The following PSME4 variants were observed in gnomAD, a reference collection of about 807,000 sequenced individuals.
PSME4 encodes proteasome activator subunit 4, also known as proteasome activator complex subunit 4.
A neutral mutation model predicts 253.9 loss-of-function variants in PSME4; 89 were observed. The ratio of observed to expected loss-of-function variants is 0.35; its 90% CI spans 0.30 to 0.42. PSME4 has a LOEUF of 0.42. Ranked by LOEUF, PSME4 falls within the 10% of genes least tolerant of loss-of-function variation. PSME4 has a pLI of 1.00. For missense variants in PSME4, 2,014 were observed against 2,195.2 expected, an observed-to-expected ratio of 0.92 and a Z score of 1.65; for synonymous variants, 851 against 759.2, an observed-to-expected ratio of 1.12 and a Z score of -1.99.
At chr2:53,966,706 T>C (rs1456273401) in intron 1 of PSME4, among the ~76,000 whole-genome samples, 1 of 152,014 alleles carries the variant, frequency 6.6e-6, no homozygotes, top group African/African-American at 2.4e-5. Context: ...TTTTGGGGTT[T>C]TTTTCTTTGT....
intron 1 of PSME4, among the ~76,000 whole-genome samples, chr2:53,963,914 G>T (rs1453823879): frequency 6.6e-6 from 1 of 152,108 alleles, no homozygotes; most frequent in Non-Finnish European, 1.5e-5. Context: ...AAACAATGGG[G>T]AAAGGGGATG....
chr2:53,879,283 G>C (rs1209055279), intron 41 of PSME4, among the ~76,000 whole-genome samples: 1 of 152,122 alleles, frequency 6.6e-6, no homozygotes, highest in Non-Finnish European at 1.5e-5. Flanking sequence ...ATATCTATTG[G>C]ATCTAGAGAG....
chr2:53,960,359 G>A (rs1348486376), intron 1 of PSME4, among the ~76,000 whole-genome samples: 1 of 147,152 alleles, frequency 6.8e-6, no homozygotes, highest in Non-Finnish European at 1.5e-5. Context: ...ACATCAGGCC[G>A]CTGTACTCCA....
chr2:53,945,852 C>T (rs547775647), intron 3 of PSME4, among the ~76,000 whole-genome samples: 2 of 152,150 alleles, frequency 1.3e-5, no homozygotes, highest in Admixed American at 1.3e-4. Context: ...AAAATTGTCA[C>T]AGTGTAGGTA....
intron 20 of PSME4, among the ~76,000 whole-genome samples, chr2:53,910,786 G>C (rs554079203): frequency 6.6e-6 from 1 of 152,280 alleles, no homozygotes; most frequent in East Asian, 1.9e-4. Context: ...ATAGGAAAAT[G>C]AGAATTGACA....
chr2:53,955,565 A>G (rs2104482410), intron 1 of PSME4, among the ~76,000 whole-genome samples: 1 of 152,322 alleles, frequency 6.6e-6, no homozygotes, highest in South Asian at 2.1e-4. Context: ...TATAATATTT[A>G]TAAAGCAAGG....
intron 1 of PSME4, among the ~76,000 whole-genome samples, chr2:53,961,195 G>A (rs1344010911): frequency 6.6e-6 from 1 of 152,208 alleles, no homozygotes; most frequent in East Asian, 1.9e-4. Flanking sequence ...TATAGTATGT[G>A]CTGCTTTTAA....
At chr2:53,955,537 G>C (rs2104482379) in intron 1 of PSME4, among the ~76,000 whole-genome samples, 1 of 152,236 alleles carries the variant, frequency 6.6e-6, no homozygotes, top group African/African-American at 2.4e-5. Flanking sequence ...ATAACCTTTA[G>C]TAGAATATGG....
At chr2:53,958,756 C>A (rs1349961080) in intron 1 of PSME4, among the ~76,000 whole-genome samples, 5 of 150,122 alleles carry the variant, frequency 3.3e-5, no homozygotes, top group African/African-American at 7.4e-5. Context: ...CCTAAAACAT[C>A]TGAAACAACT....
chr2:53,895,227 A>G, intron 33 of PSME4, 151 bp from the exon 34 acceptor site: 1 of 629,404 alleles, frequency 1.6e-6, no homozygotes, highest in Non-Finnish European at 2.7e-6. Flanking sequence ...GGCCTTAAAA[A>G]TCTATCAGAT....
At chr2:53,918,184 G>A (rs1406910619) in intron 20 of PSME4, among the ~76,000 whole-genome samples, 3 of 151,908 alleles carry the variant, frequency 2.0e-5, no homozygotes, top group African/African-American at 4.8e-5. Context: ...TTTTTTGAGA[G>A]GGAAGAGAGG....
In PSME4 at chr2:53,949,401, T is replaced by A. The variant is rs928291278; in HGVS notation, c.243-118A>T. Reference sequence around the variant, plus strand: ...TGCAACCTGAATGGCCACAGAAGGATGAATGGATAAGGAAAATGTGGCATA... The same window carrying A: ...TGCAACCTGAATGGCCACAGAAGGAAGAATGGATAAGGAAAATGTGGCATA... On this transcript the variant is annotated intron_variant, in intron 1 of 46. Transcript: ENST00000404125. The A allele has an allele frequency of 1.3e-5, 7 of 536,148 alleles. No individual in the cohort carries two copies. In the African/African-American group the frequency reaches 1.4e-4, roughly 10 times the overall value. 33.2% of individuals were successfully genotyped at this position (536,148 alleles called of 1,614,324 possible). A position where few individuals can be genotyped will look rare whatever the true frequency, so the allele number is the denominator to read the frequency against.
In PSME4 at chr2:53,896,894, G is replaced by T. The variant is rs542078727; in HGVS notation, c.3607-9C>A. Reference sequence around the variant, plus strand: ...ACAGCTGAGATAGCCATCTAGAAAAGGAAAAAGGTACACATTCATAAAAAA... The same window carrying T: ...ACAGCTGAGATAGCCATCTAGAAAATGAAAAAGGTACACATTCATAAAAAA... On this transcript the variant is annotated splice_polypyrimidine_tract_variant and intron_variant, in intron 31 of 46. Coordinates refer to ENST00000404125, the MANE Select transcript of PSME4 (RefSeq NM_014614.3). The T allele has an allele frequency of 6.3e-7, 1 of 1,597,264 alleles. No individual in the cohort carries two copies. The highest frequency in any genetic ancestry group is 1.3e-5 in the African/African-American group (1 of 74,438).
chr2:53,939,218 T>C (rs2104466598), intron 4 of PSME4, among the ~76,000 whole-genome samples: 1 of 152,318 alleles, frequency 6.6e-6, no homozygotes, highest in South Asian at 2.1e-4. Context: ...ATTTATTAAA[T>C]ATGTATTTAA....
intron 41 of PSME4, among the ~76,000 whole-genome samples, chr2:53,884,336 G>A (rs1168839180): frequency 1.3e-5 from 2 of 151,992 alleles, no homozygotes; most frequent in African/African-American, 4.8e-5. Flanking sequence ...TCAGCCTCCC[G>A]AGTAGCTGGG....
chr2:53,923,202 A>T, intron 15 of PSME4, 84 bp from the exon 16 acceptor site: 1 of 1,474,564 alleles, frequency 6.8e-7, no homozygotes, highest in Non-Finnish European at 9.2e-7. Context: ...AAAAGGCTGT[A>T]AATAAGCAGC....
intron 41 of PSME4, among the ~76,000 whole-genome samples, chr2:53,880,993 C>A (rs920657687): frequency 2.0e-5 from 3 of 152,116 alleles, no homozygotes; most frequent in Admixed American, 2.0e-4. Flanking sequence ...TCTCTTCCTA[C>A]CATTACGAAA....
At chr2:53,950,898 A>G (rs1227774262) in intron 1 of PSME4, among the ~76,000 whole-genome samples, 2 of 152,072 alleles carry the variant, frequency 1.3e-5, no homozygotes, top group East Asian at 1.9e-4. Context: ...ACAACAAATC[A>G]GAGTATATTT....
At position 53,897,738 on chromosome 2, in the gene PSME4, AG is replaced by A; in HGVS notation, c.3606+131del. 2.9e-6 allele frequency: 3 copies of A among 1,025,978 alleles called. No individual in the cohort carries two copies. The South Asian group carries it at 5.1e-5, about 17-fold the overall frequency. The allele number at this position is 1,025,978 out of a possible 1,614,324, so 63.6% of individuals were successfully genotyped here. A position where few individuals can be genotyped will look rare whatever the true frequency, so the allele number is the denominator to read the frequency against. On this transcript the variant is annotated intron_variant, in intron 31 of 46. Transcript: ENST00000404125. ...GAATCATTATCATCTCTGAATCAAC[AG>A]GGGGAGATTTCAAATCAATACACTT...
Sources: gnomAD v4.1 joint callset for allele counts (sites outside exome capture counted in the v4.1 genomes callset) on GRCh38, gnomAD v4.1.1 for gene constraint, MANE v1.5 for transcripts, NCBI Gene and HGNC (gene_info 2026-07-23, HGNC 2026-07-21) for gene names.